PLCG2: variants seen among roughly 807,000 people sequenced by gnomAD.
PLCG2 encodes the protein phospholipase C gamma 2, also known as 1-phosphatidylinositol 4,5-bisphosphate phosphodiesterase gamma-2.
PLCG2 carries 69 observed loss-of-function variants against 175.6 expected under a neutral mutation model. The observed-to-expected ratio is 0.39, with a 90% CI of 0.32 to 0.48. The LOEUF is 0.48. Ranked by LOEUF, PLCG2 falls within the 20% of genes least tolerant of loss-of-function variation. The pLI, the probability that PLCG2 is intolerant of heterozygous loss-of-function variation, is 0.91. For synonymous variants in PLCG2, 827 were observed against 624.0 expected (o/e 1.33, Z -4.85); for missense variants, 1,798 against 1,650.9 (o/e 1.09, Z -1.54).
At chr16:81,946,111 A>G (rs1911138560) in intron 30 of PLCG2, 64 bp from the exon 31 acceptor site, 1 of 1,285,482 alleles carries the variant, frequency 7.8e-7, no homozygotes, top group Admixed American at 1.7e-5. Context: ...GGTAGCCTCC[A>G]AAAAAAATCT....
chr16:81,937,450 A>G (rs1312402538), intron 27 of PLCG2: 1 of 225,044 alleles, frequency 4.4e-6, no homozygotes, highest in East Asian at 9.7e-5. Context: ...TTAAAAATTT[A>G]TATTCACATA....
At chr16:81,854,093 CTTGT>C (rs778792902) in intron 2 of PLCG2, among the ~76,000 whole-genome samples, 71 of 135,660 alleles carry the variant, frequency 5.2e-4, no homozygotes, top group Non-Finnish European at 9.8e-4. Flanking sequence ...AATTTGGTCT[CTTGT>C]TTTTTTTTGG....
At position 81,940,511 on chromosome 16, in the gene PLCG2, CCTT is replaced by C. The variant is rs1055901040; in HGVS notation, c.3481+461_3481+463del. 5.9e-5 allele frequency among the ~76,000 whole-genome samples: 9 copies of C among 152,092 alleles called. No individual in the cohort carries two copies. The South Asian group carries it at 8.3e-4, about 14-fold the overall frequency. On this transcript the variant is annotated intron_variant, in intron 30 of 32. Transcript: ENST00000564138. ...AACTCCCCAAACCCTTCAGAATTCACCTTCTTCTTCTATAAAATTGGGTGGGTT... is the reference window on the plus strand; with the variant it reads ...AACTCCCCAAACCCTTCAGAATTCACCTTCTTCTATAAAATTGGGTGGGTT...
chr16:81,820,824 T>A (rs4559900), intron 2 of PLCG2, among the ~76,000 whole-genome samples: 1 of 147,110 alleles, frequency 6.8e-6, no homozygotes, highest in East Asian at 2.0e-4. Context: ...TCTCATCATG[T>A]TGGCTAGGCT....
In PLCG2 at chr16:81,885,907, G is replaced by A. The variant is rs574171103; in HGVS notation, c.765+2566G>A. Among the ~76,000 whole-genome samples the A allele has an allele frequency of 1.4e-4, 21 of 152,238 alleles. No homozygotes were observed. The Middle Eastern group carries it at 0.01, about 74-fold the overall frequency. ...GGTTGAATGATGATGATCAAAAGAAGGCTTATTTGCCCAACCTGAGACTAA... is the reference window on the plus strand; with the variant it reads ...GGTTGAATGATGATGATCAAAAGAAAGCTTATTTGCCCAACCTGAGACTAA... On this transcript the variant is annotated intron_variant, in intron 9 of 32. Transcript: ENST00000564138.
chr16:81,899,906 G>A (rs370239426), intron 13 of PLCG2, among the ~76,000 whole-genome samples: 3 of 152,128 alleles, frequency 2.0e-5, no homozygotes, highest in Admixed American at 6.5e-5. Context: ...GTGACCACAC[G>A]CTCAAAAGGC....
rs1454349305 is a variant in PLCG2, at chr16:81,783,137, G to A, written c.-47-2806G>A. 6 of 492,538 alleles carry A rather than the reference G, an allele frequency of 1.2e-5. 1 individual carries two copies. In the East Asian group the frequency reaches 1.7e-4, roughly 14 times the overall value. The allele number at this position is 492,538 out of a possible 1,614,324, so 30.5% of individuals were successfully genotyped here. A position where few individuals can be genotyped will look rare whatever the true frequency, so the allele number is the denominator to read the frequency against. On this transcript the variant is annotated intron_variant, in intron 1 of 32. Transcript: ENST00000564138. The stretch of plus-strand genomic sequence containing the variant: ...TTGTCCTGGTTTCTGTCTAATTGAA[G>A]GTGTTATAATGGGGCTTGTGTTTCC...
chr16:81,938,914 G>A lies in PLCG2; in HGVS notation c.3312G>A (p.Val1104=), dbSNP rs375577536. ...YDNNKFKTTV[V]NDNGLSPIWA... Reference sequence around the variant, plus strand: ...ACAACAAGTTCAAGACGACGGTTGTGAGTAAGTCAGTCACCTTGGCCCCTC... The same window carrying A: ...ACAACAAGTTCAAGACGACGGTTGTAAGTAAGTCAGTCACCTTGGCCCCTC... Residue 1104 remains valine, a splice_region_variant and synonymous_variant, in exon 29 of 33, where the codon GTG becomes GTA. Coordinates refer to ENST00000564138, the MANE Select transcript of PLCG2 (RefSeq NM_002661.5). The A allele has an allele frequency of 2.8e-5, 44 of 1,576,628 alleles. No homozygotes were observed. In the African/African-American group the frequency reaches 4.5e-4, roughly 16 times the overall value.
chr16:81,931,051 A>G (rs1270222747), intron 24 of PLCG2, among the ~76,000 whole-genome samples: 1 of 152,222 alleles, frequency 6.6e-6, no homozygotes, highest in Non-Finnish European at 1.5e-5. Context: ...CATGTCTATA[A>G]CTAAAGTGGA....
intron 2 of PLCG2, among the ~76,000 whole-genome samples, chr16:81,807,065 C>T (rs150383366): frequency 9.5e-4 from 145 of 152,312 alleles, no homozygotes; most frequent in African/African-American, 3.3e-3. Context: ...TCTACCTTCT[C>T]GCCAAGGCTT....
intron 9 of PLCG2, among the ~76,000 whole-genome samples, chr16:81,884,057 A>G (rs1843630144): frequency 6.6e-6 from 1 of 152,258 alleles, no homozygotes; most frequent in Admixed American, 6.5e-5. Flanking sequence ...CCCCCAGCGA[A>G]GAAGTATTCA....
chr16:81,867,144 C>T (rs1021551847), intron 5 of PLCG2, among the ~76,000 whole-genome samples: 2 of 152,190 alleles, frequency 1.3e-5, no homozygotes, highest in African/African-American at 4.8e-5. Flanking sequence ...ACAGGATGGC[C>T]AGAGTCACAC....
At chr16:81,922,571 G>T (rs1046139037) in intron 21 of PLCG2, among the ~76,000 whole-genome samples, 20 of 152,134 alleles carry the variant, frequency 1.3e-4, no homozygotes, top group African/African-American at 4.8e-4. Context: ...CACAGACGGG[G>T]GAACTGAGGA....
At chr16:81,860,172 ATTTTT>A (rs1555513300) in intron 5 of PLCG2, among the ~76,000 whole-genome samples, 57 of 120,614 alleles carry the variant, frequency 4.7e-4, no homozygotes, top group Non-Finnish European at 7.8e-4. Flanking sequence ...TATTATTATT[ATTTTT>A]TTTTTTTTTT....
chr16:81,888,119 A>G (rs987858332), intron 9 of PLCG2, among the ~76,000 whole-genome samples: 13 of 152,338 alleles, frequency 8.5e-5, no homozygotes, highest in South Asian at 4.1e-4. Context: ...TAAAATGACA[A>G]TGGCAATAAA....
At chr16:81,935,921 G>C in intron 26 of PLCG2, 2 of 983,924 alleles carry the variant, frequency 2.0e-6, no homozygotes, top group Non-Finnish European at 2.4e-6. Context: ...AAAAAAAAAA[G>C]TAAATTACAG....
intron 2 of PLCG2, among the ~76,000 whole-genome samples, chr16:81,787,247 G>A (rs1399954672): frequency 6.6e-6 from 1 of 151,926 alleles, no homozygotes; most frequent in African/African-American, 2.4e-5. Flanking sequence ...TTTGAGACAA[G>A]GTCTCTTTCT....
chr16:81,920,989 C>T (rs1226696522), intron 20 of PLCG2, among the ~76,000 whole-genome samples: 1 of 152,150 alleles, frequency 6.6e-6, no homozygotes, highest in Non-Finnish European at 1.5e-5. Flanking sequence ...AGGACAGGGC[C>T]TCTCTGATTT....
intron 3 of PLCG2, among the ~76,000 whole-genome samples, chr16:81,855,526 A>C (rs139003082): frequency 8.2e-4 from 125 of 152,346 alleles, no homozygotes; most frequent in African/African-American, 3.0e-3. Flanking sequence ...TCATTCTTTT[A>C]CTACATGTCT....
Sources: gnomAD v4.1 joint callset for allele counts (sites outside exome capture counted in the v4.1 genomes callset) on GRCh38, gnomAD v4.1.1 for gene constraint, MANE v1.5 for transcripts, NCBI Gene and HGNC (gene_info 2026-07-23, HGNC 2026-07-21) for gene names.